TTC7B: variants seen among roughly 807,000 people sequenced by gnomAD.
The protein encoded by TTC7B is tetratricopeptide repeat domain 7B.
In TTC7B, 28 loss-of-function variants were observed where a neutral mutation model predicts 106.8. That is an observed-to-expected ratio of 0.26 (90% CI 0.19 to 0.36). The LOEUF (loss-of-function observed/expected upper bound fraction) is 0.36, where lower values mean the gene tolerates loss of function less well. TTC7B is among the 10% of genes least tolerant of loss of function. TTC7B has a pLI of 1.00. For synonymous variants in TTC7B, 405 were observed against 430.6 expected (o/e 0.94, Z 0.74); for missense variants, 862 against 1,076.4 (o/e 0.80, Z 2.79).
chr14:90,667,241 A>G (rs1183081032), intron 9 of TTC7B, among the ~76,000 whole-genome samples: 2 of 152,338 alleles, frequency 1.3e-5, no homozygotes, highest in East Asian at 3.9e-4. Flanking sequence ...AAGGCTGGAC[A>G]GAGAATTGGG....
At chr14:90,672,047 A>G (rs1886654295) in intron 9 of TTC7B, among the ~76,000 whole-genome samples, 2 of 152,234 alleles carry the variant, frequency 1.3e-5, no homozygotes, top group Non-Finnish European at 2.9e-5. Context: ...TGGCAGTGGC[A>G]GCAGAGGCGC....
At chr14:90,704,280 T>C (rs1455079893) in intron 5 of TTC7B, among the ~76,000 whole-genome samples, 1 of 152,244 alleles carries the variant, frequency 6.6e-6, no homozygotes, top group Non-Finnish European at 1.5e-5. Flanking sequence ...GGTGTGATTG[T>C]GAACCTTTGG....
At chr14:90,551,093 G>A (rs548721355) in intron 19 of TTC7B, among the ~76,000 whole-genome samples, 14 of 152,272 alleles carry the variant, frequency 9.2e-5, no homozygotes, top group Admixed American at 7.9e-4. Flanking sequence ...TGCTCTCTAA[G>A]AAAATCCCAG....
intron 13 of TTC7B, among the ~76,000 whole-genome samples, chr14:90,647,940 T>C (rs749970647): frequency 5.9e-5 from 9 of 152,098 alleles, no homozygotes; most frequent in Non-Finnish European, 1.2e-4. Context: ...GAGGATCTTC[T>C]ACCAGCAGAA....
chr14:90,781,066 G>A (rs958958638), intron 2 of TTC7B, among the ~76,000 whole-genome samples, 160 bp from the exon 3 acceptor site: 2 of 152,190 alleles, frequency 1.3e-5, no homozygotes. Flanking sequence ...GCCAAACAGT[G>A]GAAACAACCC....
In TTC7B at chr14:90,575,196, A is replaced by G. The variant is rs941040744; in HGVS notation, c.2310+2910T>C. On this transcript the variant is annotated intron_variant, in intron 19 of 19. Transcript: ENST00000328459. This position sits in a 1 kb window ranked among gnomAD's most constrained non-coding sequence, Gnocchi z 5.2. Reference sequence around the variant, plus strand: ...ACCAATCCACCTTCCGTGAGGGTAGAGACAGAACCTTTTGTGACTTAGCAA... The same window carrying G: ...ACCAATCCACCTTCCGTGAGGGTAGGGACAGAACCTTTTGTGACTTAGCAA... Among the ~76,000 whole-genome samples, 2 of 152,234 alleles carry G rather than the reference A, an allele frequency of 1.3e-5. No individual in the cohort carries two copies. The highest frequency in any genetic ancestry group is 4.8e-5 in the African/African-American group (2 of 41,464).
chr14:90,587,216 C>T (rs981622175), intron 18 of TTC7B, among the ~76,000 whole-genome samples: 5 of 152,248 alleles, frequency 3.3e-5, no homozygotes, highest in African/African-American at 1.2e-4. Flanking sequence ...CCACCTCAGC[C>T]TCCTGAGTAG....
At chr14:90,744,052 T>C (rs1038823757) in intron 4 of TTC7B, among the ~76,000 whole-genome samples, 1 of 152,248 alleles carries the variant, frequency 6.6e-6, no homozygotes, top group African/African-American at 2.4e-5. Context: ...ATACCCGATG[T>C]ACTCAGCTCG....
intron 19 of TTC7B, among the ~76,000 whole-genome samples, chr14:90,576,370 A>G (rs1194747621): frequency 6.6e-6 from 1 of 152,262 alleles, no homozygotes; most frequent in Non-Finnish European, 1.5e-5. Flanking sequence ...ACAGACTAAC[A>G]TTTGGATAAT....
chr14:90,772,805 C>G (rs1890907533), intron 3 of TTC7B: 1 of 152,120 alleles, frequency 6.6e-6, no homozygotes, highest in African/African-American at 2.4e-5. Flanking sequence ...AACCTCATCT[C>G]TAGAAAAAAT....
intron 7 of TTC7B, among the ~76,000 whole-genome samples, chr14:90,684,000 G>A (rs1848797663): frequency 5.3e-5 from 8 of 151,866 alleles, no homozygotes; most frequent in Admixed American, 5.2e-4. Context: ...GGGATGTTCT[G>A]CCCTCCCCGG....
chr14:90,743,781 G>A (rs935221745), intron 4 of TTC7B, among the ~76,000 whole-genome samples: 2 of 78,198 alleles, frequency 2.6e-5, no homozygotes, highest in Admixed American at 1.2e-4. Context: ...TTTTATGGAC[G>A]GAAAAAATCG....
At chr14:90,635,452 G>A (rs1169987009) in intron 15 of TTC7B, among the ~76,000 whole-genome samples, 2 of 151,986 alleles carry the variant, frequency 1.3e-5, no homozygotes, top group Non-Finnish European at 2.9e-5. Context: ...CATAAGCCTG[G>A]GTTTTAAAAA....
At chr14:90,722,370 G>A (rs996108256) in intron 5 of TTC7B, among the ~76,000 whole-genome samples, 2 of 152,204 alleles carry the variant, frequency 1.3e-5, no homozygotes, top group Non-Finnish European at 2.9e-5. Context: ...TAAAATGGGG[G>A]ACGTGGCTCT....
At chr14:90,703,282 C>A (rs973236910) in intron 5 of TTC7B, among the ~76,000 whole-genome samples, 1 of 152,158 alleles carries the variant, frequency 6.6e-6, no homozygotes, top group Non-Finnish European at 1.5e-5. Flanking sequence ...GTCCTGCTAA[C>A]AAAATGACTT....
At chr14:90,756,667 T>G (rs1890312419) in intron 3 of TTC7B, among the ~76,000 whole-genome samples, 1 of 152,178 alleles carries the variant, frequency 6.6e-6, no homozygotes, top group Admixed American at 6.5e-5. Context: ...AGTGCTGGGA[T>G]TACAGGTGTG....
intron 18 of TTC7B, among the ~76,000 whole-genome samples, chr14:90,591,978 C>T (rs918608282): frequency 6.6e-5 from 10 of 152,218 alleles, no homozygotes; most frequent in Non-Finnish European, 4.4e-5. Flanking sequence ...TGAATCACCC[C>T]TCTTTTGTAC....
chr14:90,720,903 G>A (rs1012783330), intron 5 of TTC7B, among the ~76,000 whole-genome samples: 5 of 152,118 alleles, frequency 3.3e-5, no homozygotes, highest in African/African-American at 4.8e-5. Flanking sequence ...TTCCTGACAC[G>A]TAAATATTTG....
chr14:90,723,832 C>T (rs1361349180), intron 5 of TTC7B, among the ~76,000 whole-genome samples: 1 of 152,188 alleles, frequency 6.6e-6, no homozygotes, highest in East Asian at 1.9e-4. Context: ...AGAGCCTGGA[C>T]TATGTCTCTT....
Sources: allele counts gnomAD v4.1 joint callset (sites outside exome capture counted in the v4.1 genomes callset), GRCh38; gene constraint gnomAD v4.1.1; non-coding constraint Gnocchi (gnomAD v3.1); transcripts MANE v1.5; gene names NCBI Gene and HGNC (gene_info 2026-07-23, HGNC 2026-07-21).